The following EYA1 variants were observed in gnomAD, a reference collection of about 807,000 sequenced individuals.
EYA1 encodes protein phosphatase EYA1.
EYA1 carries 16 observed loss-of-function variants against 82.0 expected under a neutral mutation model. The ratio of observed to expected loss-of-function variants is 0.20; its 90% CI spans 0.13 to 0.30. The LOEUF (loss-of-function observed/expected upper bound fraction) is 0.30, where lower values mean the gene tolerates loss of function less well. Ranked by LOEUF, EYA1 falls within the 10% of genes least tolerant of loss-of-function variation. The pLI, the probability that EYA1 is intolerant of heterozygous loss-of-function variation, is 1.00. For synonymous variants in EYA1, 261 were observed against 264.4 expected (o/e 0.99, Z 0.12); for missense variants, 633 against 730.7 (o/e 0.87, Z 1.54).
intron 2 of EYA1, among the ~76,000 whole-genome samples, chr8:71,514,473 G>A (rs900776074): frequency 1.3e-5 from 2 of 152,102 alleles, no homozygotes; most frequent in African/African-American, 4.8e-5. Flanking sequence ...TTTTCACACT[G>A]CTGATAAAGA....
At chr8:71,292,861 A>G (rs528014274) in intron 9 of EYA1, among the ~76,000 whole-genome samples, 3 of 152,208 alleles carry the variant, frequency 2.0e-5, no homozygotes, top group African/African-American at 7.2e-5. Context: ...CTAAAAATCA[A>G]TCATCTAAGC....
At chr8:71,323,188 T>C (rs990841359) in intron 4 of EYA1, among the ~76,000 whole-genome samples, 2 of 152,212 alleles carry the variant, frequency 1.3e-5, no homozygotes, top group Non-Finnish European at 2.9e-5. Context: ...CATATATATC[T>C]ACACATATTT....
At chr8:71,422,809 A>C (rs1052501144) in intron 2 of EYA1, among the ~76,000 whole-genome samples, 3 of 152,136 alleles carry the variant, frequency 2.0e-5, no homozygotes, top group Non-Finnish European at 4.4e-5. Flanking sequence ...GCATGAGGGT[A>C]ACCGCCCCCA....
intron 2 of EYA1, among the ~76,000 whole-genome samples, chr8:71,422,467 G>A (rs1275066073): frequency 1.3e-5 from 2 of 152,156 alleles, no homozygotes; most frequent in South Asian, 2.1e-4. Flanking sequence ...GACTCATTCC[G>A]AATGTGTTCA....
At chr8:71,243,644 A>T (rs889459091) in intron 12 of EYA1, among the ~76,000 whole-genome samples, 3 of 152,232 alleles carry the variant, frequency 2.0e-5, no homozygotes, top group Admixed American at 2.0e-4. Context: ...AACAAACCGC[A>T]TTTAAGTTCT....
chr8:71,530,333 T>C (rs1483451635), intron 2 of EYA1, among the ~76,000 whole-genome samples: 1 of 152,180 alleles, frequency 6.6e-6, no homozygotes, highest in Non-Finnish European at 1.5e-5. Context: ...AGCATGGCCC[T>C]GCTAACATGT....
At chr8:71,299,278 G>T in intron 8 of EYA1, 45 bp from the exon 9 acceptor site, 2 of 1,574,080 alleles carry the variant, frequency 1.3e-6, no homozygotes, top group Non-Finnish European at 8.7e-7. Flanking sequence ...AAATACTGCT[G>T]CTTATCTCTT....
intron 2 of EYA1, among the ~76,000 whole-genome samples, chr8:71,425,228 A>G (rs557085074): frequency 1.5e-4 from 22 of 151,226 alleles, no homozygotes; most frequent in African/African-American, 4.9e-4. Flanking sequence ...GCTTGCAGGG[A>G]GCTGAGATCA....
intron 11 of EYA1, among the ~76,000 whole-genome samples, chr8:71,254,243 C>CGAAAA (rs1814113027): frequency 1.9e-5 from 1 of 51,460 alleles, no homozygotes; most frequent in African/African-American, 8.1e-5. Flanking sequence ...AAGTCTTGGC[C>CGAAAA]AAAAAAAAAA....
Position 71,485,735 on chromosome 8 carries a change from C to T in EYA1, c.33+50009G>A, listed in dbSNP as rs1216195039. Among the ~76,000 whole-genome samples the T allele has an allele frequency of 2.6e-5, 4 of 152,224 alleles. No homozygotes were observed. In the East Asian group the frequency reaches 5.8e-4, roughly 22 times the overall value. Reference sequence around the variant, plus strand: ...TATTCTCTTAATCCAATGTAAGTGACTAACTCTGCAGATGAGTTAATAAGT... The same window carrying T: ...TATTCTCTTAATCCAATGTAAGTGATTAACTCTGCAGATGAGTTAATAAGT... On this transcript the variant is annotated intron_variant, in intron 2 of 18. Transcript: ENST00000643681.
intron 2 of EYA1, among the ~76,000 whole-genome samples, chr8:71,370,471 A>C (rs2129088908): frequency 6.6e-6 from 1 of 151,374 alleles, no homozygotes; most frequent in Admixed American, 6.6e-5. Context: ...TAGAAGTGTA[A>C]ATAAATGAAA....
At position 71,211,271 on chromosome 8, in the gene EYA1, T is replaced by TA; in HGVS notation, c.1598-16dup. ...GCTTTCTTTTCCTAGTGAACAAAAA[T>TA]AAATGATAGAAAATGTGAAGTTTGG... On this transcript the variant is annotated splice_polypyrimidine_tract_variant and intron_variant, in intron 16 of 17. Transcript: ENST00000340726. 2 of 1,534,842 alleles carry TA rather than the reference T, an allele frequency of 1.3e-6. No individual in the cohort carries two copies. The highest frequency in any genetic ancestry group is 2.2e-5 in the South Asian group (2 of 89,494).
At chr8:71,486,383 C>A (rs934470852) in intron 2 of EYA1, among the ~76,000 whole-genome samples, 1 of 152,324 alleles carries the variant, frequency 6.6e-6, no homozygotes, top group South Asian at 2.1e-4. Context: ...AGAAAGCATT[C>A]GTTTCCCCTC....
At chr8:71,235,508 C>T (rs1285343698) in intron 12 of EYA1, among the ~76,000 whole-genome samples, 1 of 152,132 alleles carries the variant, frequency 6.6e-6, no homozygotes, top group African/African-American at 2.4e-5. Context: ...ACATCTCTTC[C>T]TGATCATCTC....
chr8:71,279,625 C>A (rs1231688751), intron 9 of EYA1, among the ~76,000 whole-genome samples: 1 of 152,196 alleles, frequency 6.6e-6, no homozygotes, highest in Non-Finnish European at 1.5e-5. Context: ...AGTTGAATTA[C>A]TTTAAGGCAA....
At chr8:71,381,391 T>G (rs73684767) in intron 2 of EYA1, among the ~76,000 whole-genome samples, 1,694 of 152,184 alleles carry the variant, frequency 0.011, 42 homozygotes, top group African/African-American at 0.039. Flanking sequence ...CATTAACCTC[T>G]CCCTCATTCA....
At chr8:71,245,728 T>C (rs1813010084) in intron 11 of EYA1, among the ~76,000 whole-genome samples, 1 of 152,164 alleles carries the variant, frequency 6.6e-6, no homozygotes, top group African/African-American at 2.4e-5. Flanking sequence ...TTTGCATTCA[T>C]TAAACCTGTC....
intron 2 of EYA1, among the ~76,000 whole-genome samples, chr8:71,485,543 A>G (rs2129217651): frequency 6.6e-6 from 1 of 152,298 alleles, no homozygotes; most frequent in African/African-American, 2.4e-5. Flanking sequence ...TTACAAGAAT[A>G]AAAGTACAAG....
At chr8:71,310,091 T>C (rs1354352739) in intron 7 of EYA1, among the ~76,000 whole-genome samples, 1 of 152,176 alleles carries the variant, frequency 6.6e-6, no homozygotes, top group Non-Finnish European at 1.5e-5. Flanking sequence ...GAATGTCCTA[T>C]ACCATTATTG....
Sources: gnomAD v4.1 joint callset for allele counts (sites outside exome capture counted in the v4.1 genomes callset) on GRCh38, gnomAD v4.1.1 for gene constraint, MANE v1.5 for transcripts, NCBI Gene and HGNC (gene_info 2026-07-23, HGNC 2026-07-21) for gene names.